Variants in MACROD2 observed in about 807,000 individuals in gnomAD.
MACROD2 encodes the protein ADP-ribose glycohydrolase MACROD2.
MACROD2 carries 36 observed loss-of-function variants against 70.4 expected under a neutral mutation model. That is an observed-to-expected ratio of 0.51 (90% CI 0.39 to 0.68). The LOEUF is 0.68. MACROD2 is among the 30% of genes least tolerant of loss of function. The pLI, the probability that MACROD2 is intolerant of heterozygous loss-of-function variation, is 0.00. For missense variants in MACROD2, 496 were observed against 538.4 expected (o/e 0.92, Z 0.78); for synonymous variants, 172 against 178.8 (o/e 0.96, Z 0.30).
intron 5 of MACROD2, among the ~76,000 whole-genome samples, chr20:14,928,930 T>A (rs891955030): frequency 1.3e-5 from 2 of 152,196 alleles, no homozygotes; most frequent in Non-Finnish European, 2.9e-5. Flanking sequence ...CAGTCAGCCA[T>A]ATTTGTTGCT....
chr20:14,581,609 T>A (rs1443489400), intron 4 of MACROD2, among the ~76,000 whole-genome samples: 1 of 152,232 alleles, frequency 6.6e-6, no homozygotes, highest in African/African-American at 2.4e-5. Context: ...TATTTAAATA[T>A]ATAAAACTTA....
intron 15 of MACROD2, among the ~76,000 whole-genome samples, chr20:16,003,980 T>C (rs1038126291): frequency 1.3e-5 from 2 of 152,162 alleles, no homozygotes; most frequent in African/African-American, 4.8e-5. Context: ...AAATTTTGCA[T>C]TTTTAATGAG....
chr20:14,418,254 A>T (rs1889086087), intron 3 of MACROD2, among the ~76,000 whole-genome samples: 1 of 152,228 alleles, frequency 6.6e-6, no homozygotes, highest in Non-Finnish European at 1.5e-5. Context: ...TAATAAGCAA[A>T]ATAGTATTGT....
At chr20:15,070,978 A>G (rs1212381956) in intron 5 of MACROD2, among the ~76,000 whole-genome samples, 1 of 152,080 alleles carries the variant, frequency 6.6e-6, no homozygotes, top group Non-Finnish European at 1.5e-5. Context: ...TCAGCAAGCA[A>G]CCAACTTGTG....
At chr20:14,628,489 T>TA (rs982128140) in intron 4 of MACROD2, 9 of 152,304 alleles carry the variant, frequency 5.9e-5, no homozygotes, top group African/African-American at 2.2e-4. Context: ...TGGTTGAAGA[T>TA]ACCCTGTTTG....
chr20:14,277,218 G>C (rs978364033), intron 3 of MACROD2, among the ~76,000 whole-genome samples: 1 of 152,114 alleles, frequency 6.6e-6, no homozygotes, highest in African/African-American at 2.4e-5. Flanking sequence ...GGGAGGCTGA[G>C]GGGGGCGGAT....
At chr20:14,386,470 T>C (rs1199232416) in intron 3 of MACROD2, among the ~76,000 whole-genome samples, 1 of 152,164 alleles carries the variant, frequency 6.6e-6, no homozygotes, top group African/African-American at 2.4e-5. Flanking sequence ...ATGGGAGGTG[T>C]TTGGAATATG....
intron 6 of MACROD2, among the ~76,000 whole-genome samples, chr20:15,360,508 TTA>T (rs2078339658): frequency 6.6e-6 from 1 of 152,100 alleles, no homozygotes; most frequent in Admixed American, 6.6e-5. Flanking sequence ...AAAATGTCAA[TTA>T]TGTCTATTTT....
At chr20:14,829,865 A>G (rs1263289389) in intron 5 of MACROD2, among the ~76,000 whole-genome samples, 2 of 152,168 alleles carry the variant, frequency 1.3e-5, no homozygotes, top group Non-Finnish European at 2.9e-5. Context: ...ACATTTCAAA[A>G]TGTGCTTTTT....
chr20:14,371,897 G>C (rs2083327702), intron 3 of MACROD2, among the ~76,000 whole-genome samples: 1 of 151,546 alleles, frequency 6.6e-6, no homozygotes, highest in Non-Finnish European at 1.5e-5. Context: ...ATTACTCGAG[G>C]GCCTTTTCTG....
chr20:15,894,868 C>A (rs1008902070), intron 10 of MACROD2, among the ~76,000 whole-genome samples: 12 of 152,202 alleles, frequency 7.9e-5, no homozygotes, highest in African/African-American at 2.9e-4. Context: ...AGATGTTAAG[C>A]TTTGTTACTG....
chr20:15,492,213 T>C lies in MACROD2; in HGVS notation c.572-7561T>C, dbSNP rs139094655. On this transcript the variant is annotated intron_variant, in intron 7 of 17. Transcript: ENST00000684519. Reference sequence around the variant, plus strand: ...CGGTGAGGCTCCTTCAGCTCATTTCTCTCAAGTAATTTGATTTCATTGCAC... The same window carrying C: ...CGGTGAGGCTCCTTCAGCTCATTTCCCTCAAGTAATTTGATTTCATTGCAC... Among the ~76,000 whole-genome samples, 44 of 152,286 alleles carry C rather than the reference T, an allele frequency of 2.9e-4. No individual in the cohort carries two copies. The East Asian group carries it at 8.3e-3, about 29-fold the overall frequency.
intron 3 of MACROD2, chr20:14,127,878 C>A: frequency 4.1e-6 from 2 of 491,814 alleles, no homozygotes; most frequent in South Asian, 3.2e-5. Context: ...TGTTTCCCAA[C>A]TAGATCTTTG....
At chr20:14,953,082 C>T (rs1476180733) in intron 5 of MACROD2, among the ~76,000 whole-genome samples, 1 of 151,570 alleles carries the variant, frequency 6.6e-6, no homozygotes, top group Non-Finnish European at 1.5e-5. Flanking sequence ...CTTCTTTACT[C>T]ATATCTAATA....
chr20:15,396,368 G>A (rs1215606987), intron 6 of MACROD2, among the ~76,000 whole-genome samples: 1 of 152,090 alleles, frequency 6.6e-6, no homozygotes, highest in Non-Finnish European at 1.5e-5. Context: ...TAGCTAAGAG[G>A]GGCTACATAA....
At chr20:14,991,817 CTTAA>C (rs1486524769) in intron 5 of MACROD2, among the ~76,000 whole-genome samples, 1 of 152,126 alleles carries the variant, frequency 6.6e-6, no homozygotes, top group Non-Finnish European at 1.5e-5. Context: ...TTTGCACCGC[CTTAA>C]TTAATGCTCC....
At chr20:16,003,082 C>G (rs3916267) in intron 15 of MACROD2, among the ~76,000 whole-genome samples, 1 of 53,038 alleles carries the variant, frequency 1.9e-5, no homozygotes, top group Non-Finnish European at 4.2e-5. Context: ...ACCCACCCAC[C>G]CACACACACA....
intron 8 of MACROD2, among the ~76,000 whole-genome samples, chr20:15,780,044 A>T (rs1268267182): frequency 4.1e-5 from 6 of 147,032 alleles, no homozygotes; most frequent in African/African-American, 1.0e-4. Context: ...TCATATTATT[A>T]AAAAAAACAC....
At chr20:15,688,226 A>T (rs562177566) in intron 8 of MACROD2, among the ~76,000 whole-genome samples, 1 of 152,344 alleles carries the variant, frequency 6.6e-6, no homozygotes, top group Middle Eastern at 3.4e-3. Flanking sequence ...ATAGGACATT[A>T]GTTGTCCTTT....
Sources: gnomAD v4.1 joint callset for allele counts (sites outside exome capture counted in the v4.1 genomes callset) on GRCh38, gnomAD v4.1.1 for gene constraint, MANE v1.5 for transcripts, NCBI Gene and HGNC (gene_info 2026-07-23, HGNC 2026-07-21) for gene names.